The following ST7 variants were observed in gnomAD, a reference collection of about 807,000 sequenced individuals.
ST7 encodes the protein suppressor of tumorigenicity 7 protein.
ST7 carries 28 observed loss-of-function variants against 78.7 expected under a neutral mutation model. That is an observed-to-expected ratio of 0.36 (90% CI 0.26 to 0.49). ST7 has a LOEUF of 0.49. Among genes scored for constraint, ST7 ranks in the 20% least tolerant of loss-of-function variants. The pLI is 0.99. For synonymous variants in ST7, 247 were observed against 249.6 expected (o/e 0.99, Z 0.10); for missense variants, 418 against 696.0 (o/e 0.60, Z 4.49).
At chr7:117,229,021 G>C (rs770340432) in intron 15 of ST7, among the ~76,000 whole-genome samples, 17 of 152,246 alleles carry the variant, frequency 1.1e-4, no homozygotes, top group Non-Finnish European at 2.1e-4. Flanking sequence ...AATTAGAATG[G>C]ATTTGAGAAT....
chr7:117,208,132 G>A lies in ST7; in HGVS notation c.1255-1655G>A, dbSNP rs576120904. Among the ~76,000 whole-genome samples the A allele has an allele frequency of 1.3e-4, 20 of 152,094 alleles. No homozygotes were observed. The South Asian group carries it at 3.5e-3, about 27-fold the overall frequency. On this transcript the variant is annotated intron_variant, in intron 12 of 15. Transcript: ENST00000323984. ...TTCATTATAAACATAGTGCAAATTG[G>A]ATTGCTGTGTAATTCTCTATTCTTA...
intron 1 of ST7, among the ~76,000 whole-genome samples, chr7:117,022,356 A>G (rs1405739190): frequency 6.6e-6 from 1 of 152,198 alleles, no homozygotes; most frequent in African/African-American, 2.4e-5. Flanking sequence ...CGTGTTGAAA[A>G]TGAATTGCCT....
rs781293580 is a variant in ST7, at chr7:117,066,332, T to C, written c.152-33430T>C. ...GGAAATAGACCGTGTCTATGTATTA[T>C]TGTAGCTCCAGTGCCTGGTATTTAG... is the stretch of plus-strand genomic sequence containing the variant. On this transcript the variant is annotated intron_variant, in intron 1 of 15. Coordinates refer to ENST00000323984, the MANE Select transcript of ST7 (RefSeq NM_001369598.1). Among the ~76,000 whole-genome samples the C allele has an allele frequency of 2.0e-5, 3 of 152,230 alleles. No homozygotes were observed. In the East Asian group the frequency reaches 5.8e-4, roughly 29 times the overall value.
At chr7:117,103,182 A>G (rs1801694540) in intron 2 of ST7, among the ~76,000 whole-genome samples, 2 of 152,314 alleles carry the variant, frequency 1.3e-5, no homozygotes, top group East Asian at 1.9e-4. Flanking sequence ...TACTCTGCAC[A>G]TAAATTTACT....
At position 117,211,844 on chromosome 7, in the gene ST7, G is replaced by T. The variant is rs369796347; in HGVS notation, c.1405+1907G>T. ...ATGAAGTGAAACAGGGAGCTACAAA[G>T]TCAAGCAGAATAGTTGTATGGGGAT... On this transcript the variant is annotated intron_variant, in intron 13 of 15. Coordinates refer to ENST00000323984, the MANE Select transcript of ST7 (RefSeq NM_001369598.1). Among the ~76,000 whole-genome samples, 3 of 152,264 alleles carry T rather than the reference G, an allele frequency of 2.0e-5. No homozygotes were observed. The South Asian group carries it at 6.2e-4, about 32-fold the overall frequency.
intron 6 of ST7, among the ~76,000 whole-genome samples, chr7:117,132,249 A>G (rs1804420032): frequency 6.6e-6 from 1 of 151,832 alleles, no homozygotes; most frequent in Non-Finnish European, 1.5e-5. Context: ...AATTCTTTAC[A>G]TATCTAAAAC....
intron 1 of ST7, chr7:116,955,160 C>T (rs533764409): frequency 4.9e-4 from 230 of 466,412 alleles, no homozygotes; most frequent in Middle Eastern, 2.3e-3. Flanking sequence ...ACAAGTATGT[C>T]TCCAGGATAC....
chr7:117,143,847 T>A (rs892023225), intron 9 of ST7, among the ~76,000 whole-genome samples: 4 of 152,182 alleles, frequency 2.6e-5, no homozygotes, highest in African/African-American at 7.2e-5. Flanking sequence ...TATTGTTAAG[T>A]GAAGAGGAAA....
At chr7:116,990,959 C>T (rs7788974) in intron 1 of ST7, among the ~76,000 whole-genome samples, 7,335 of 152,152 alleles carry the variant, frequency 0.048, 588 homozygotes, top group African/African-American at 0.17. Context: ...ATTTGATTAC[C>T]GTGTCCCAGA....
chr7:117,137,325 T>G (rs933824395), intron 8 of ST7: 2 of 152,156 alleles, frequency 1.3e-5, no homozygotes, highest in Non-Finnish European at 2.9e-5. Context: ...TATATGCTAA[T>G]AAAGTCTCTA....
intron 1 of ST7, among the ~76,000 whole-genome samples, chr7:116,987,746 C>T (rs917457244): frequency 4.6e-5 from 7 of 152,176 alleles, no homozygotes; most frequent in African/African-American, 1.7e-4. Context: ...TCTTTTGACA[C>T]GGAGTCTCAC....
chr7:117,151,686 A>G (rs1357730893), intron 9 of ST7, among the ~76,000 whole-genome samples: 1 of 152,280 alleles, frequency 6.6e-6, no homozygotes, highest in East Asian at 1.9e-4. Context: ...TTCATCTTCC[A>G]TGGCACTTGA....
intron 1 of ST7, among the ~76,000 whole-genome samples, chr7:117,093,918 T>C (rs1235671970): frequency 6.6e-6 from 1 of 152,218 alleles, no homozygotes; most frequent in South Asian, 2.1e-4. Context: ...TTCACCCACA[T>C]TGATTTACCA....
At chr7:117,124,171 C>A (rs1803634151) in intron 3 of ST7, among the ~76,000 whole-genome samples, 1 of 152,042 alleles carries the variant, frequency 6.6e-6, no homozygotes, top group Non-Finnish European at 1.5e-5. Context: ...ATATTCAAGA[C>A]CTTCGTCGGT....
At chr7:117,010,732 A>G (rs981653800) in intron 1 of ST7, among the ~76,000 whole-genome samples, 3 of 152,238 alleles carry the variant, frequency 2.0e-5, no homozygotes, top group African/African-American at 7.2e-5. Context: ...GTATTTTAAA[A>G]CATGTGTAAT....
At chr7:117,188,698 G>A (rs1000408958) in intron 10 of ST7, among the ~76,000 whole-genome samples, 2 of 152,094 alleles carry the variant, frequency 1.3e-5, no homozygotes, top group Non-Finnish European at 1.5e-5. Context: ...AGCAAAAATT[G>A]TGTAGTTTTC....
chr7:117,098,937 G>A (rs1342435352), intron 1 of ST7: 2 of 881,386 alleles, frequency 2.3e-6, no homozygotes, highest in African/African-American at 1.8e-5. Context: ...GAGCAACAAG[G>A]TTAACTGAAT....
chr7:117,074,290 T>C (rs1051772497), intron 1 of ST7, among the ~76,000 whole-genome samples: 3 of 151,508 alleles, frequency 2.0e-5, no homozygotes, highest in African/African-American at 7.3e-5. Context: ...ACTTTGGAGG[T>C]TGAGGCAGGA....
chr7:117,161,008 T>G (rs1807098833), intron 9 of ST7, among the ~76,000 whole-genome samples: 1 of 152,208 alleles, frequency 6.6e-6, no homozygotes, highest in Non-Finnish European at 1.5e-5. Flanking sequence ...CTTGATATTA[T>G]TATAGAATTC....
Sources: gnomAD v4.1 joint callset for allele counts (sites outside exome capture counted in the v4.1 genomes callset) on GRCh38, gnomAD v4.1.1 for gene constraint, MANE v1.5 for transcripts, NCBI Gene and HGNC (gene_info 2026-07-23, HGNC 2026-07-21) for gene names.